The following MYO16 variants were observed in gnomAD, a reference collection of about 807,000 sequenced individuals.
The protein encoded by MYO16 is myosin XVI.
MYO16 carries 94 observed loss-of-function variants against 205.3 expected under a neutral mutation model. The observed-to-expected ratio is 0.46, with a 90% CI of 0.39 to 0.54. MYO16 has a LOEUF of 0.54. Among genes scored for constraint, MYO16 ranks in the 20% least tolerant of loss-of-function variants. MYO16 has a pLI of 0.00. For synonymous variants in MYO16, 988 were observed against 954.0 expected (o/e 1.04, Z -0.66); for missense variants, 2,315 against 2,387.5 (o/e 0.97, Z 0.63).
At chr13:108,676,371 G>A (rs7334035) in intron 2 of MYO16, among the ~76,000 whole-genome samples, 22,184 of 119,366 alleles carry the variant, frequency 0.19, 1,930 homozygotes, top group Non-Finnish European at 0.22. Flanking sequence ...TTATATGTAC[G>A]CGTGTGTGTG....
chr13:108,961,439 G>A, intron 17 of MYO16, 100 bp from the exon 18 acceptor site: 1 of 911,928 alleles, frequency 1.1e-6, no homozygotes, highest in Non-Finnish European at 1.8e-6. Context: ...CATTAATAGG[G>A]TCATCATTTT....
chr13:108,522,041 TATTA>T, the MYO16 span, among the ~76,000 whole-genome samples: 1 of 152,206 alleles, frequency 6.6e-6, no homozygotes, highest in African/African-American at 2.4e-5. Context: ...AATAAATAGT[TATTA>T]ATTATCTTCC....
chr13:109,159,066 A>T lies in MYO16; in HGVS notation c.5165-5835A>T, dbSNP rs141618752. On this transcript the variant is annotated intron_variant, in intron 32 of 34. Transcript: ENST00000457511. The stretch of plus-strand genomic sequence containing the variant: ...GTAAAGCAATGTAAAGTACAATTTT[A>T]AAAAACTATGTATGGACCTTGTGTC... Among the ~76,000 whole-genome samples, 147 of 152,350 alleles carry T rather than the reference A, an allele frequency of 9.6e-4. 2 individuals carry two copies. The East Asian group carries it at 0.027, about 28-fold the overall frequency.
chr13:108,948,991 G>T (rs1469475791), intron 16 of MYO16, among the ~76,000 whole-genome samples: 1 of 152,180 alleles, frequency 6.6e-6, no homozygotes, highest in Admixed American at 6.5e-5. Context: ...CAATAAACAA[G>T]TTGGTTAAAT....
At chr13:109,060,324 G>A (rs999749679) in intron 27 of MYO16, among the ~76,000 whole-genome samples, 4 of 152,228 alleles carry the variant, frequency 2.6e-5, no homozygotes, top group African/African-American at 9.6e-5. Flanking sequence ...ATGAGCTCAT[G>A]TCCTTTGCAG....
Position 108,666,133 on chromosome 13 carries a change from C to T in MYO16, c.276C>T (p.His92=). Residue 92 remains histidine, a synonymous_variant, in exon 2 of 35, where the codon CAC becomes CAT. Coordinates refer to ENST00000457511, the MANE Select transcript of MYO16 (RefSeq NM_001198950.3). ...ACATGCTACAGGACGCGATTATCCA[C>T]CACAATGACAAAGAAGGTACATGAT... ...LTDMLQDAII[H]HNDKEVLRLL... is the part of the protein sequence containing the mutation. 6 of 1,603,418 alleles carry T rather than the reference C, an allele frequency of 3.7e-6. No individual in the cohort carries two copies. The highest frequency in any genetic ancestry group is 5.1e-6 in the Non-Finnish European group (6 of 1,171,084).
Position 109,047,108 on chromosome 13 carries a change from C to T in MYO16, c.2872+117C>T, listed in dbSNP as rs533455043. 4 of 741,458 alleles carry T rather than the reference C, an allele frequency of 5.4e-6. No homozygotes were observed. In the East Asian group the frequency reaches 8.0e-5, roughly 15 times the overall value. 45.9% of individuals were successfully genotyped at this position (741,458 alleles called of 1,614,324 possible). A position where few individuals can be genotyped will look rare whatever the true frequency, so the allele number is the denominator to read the frequency against. On this transcript the variant is annotated intron_variant, in intron 24 of 34. Coordinates refer to ENST00000457511, the MANE Select transcript of MYO16 (RefSeq NM_001198950.3). ...ACCAGCTAAAGCATAATTGAAATGC[C>T]TTTTGCATTCTAATGCCCAGACTAA...
intron 32 of MYO16, among the ~76,000 whole-genome samples, chr13:109,159,406 T>G (rs1878253983): frequency 6.6e-6 from 1 of 151,964 alleles, no homozygotes; most frequent in South Asian, 2.1e-4. Context: ...ATGTGCAAGC[T>G]ATTTTACAGG....
intron 22 of MYO16, among the ~76,000 whole-genome samples, chr13:109,016,215 G>A (rs982889863): frequency 6.6e-6 from 1 of 151,994 alleles, no homozygotes; most frequent in Non-Finnish European, 1.5e-5. Context: ...TTCATTTCGT[G>A]ATTTACCCAG....
intron 28 of MYO16, among the ~76,000 whole-genome samples, chr13:109,110,838 A>G (rs555952159): frequency 2.0e-5 from 3 of 152,342 alleles, no homozygotes; most frequent in Admixed American, 6.5e-5. Context: ...CTTTAGTTCA[A>G]TGGTTTCTTT....
At chr13:108,779,690 G>A (rs1458626318) in intron 4 of MYO16, 1 of 152,120 alleles carries the variant, frequency 6.6e-6, no homozygotes, top group African/African-American at 2.4e-5. Flanking sequence ...GGGCTGCTAG[G>A]GAAACTCGCC....
intron 23 of MYO16, among the ~76,000 whole-genome samples, chr13:109,026,159 G>A (rs943290297): frequency 2.0e-5 from 3 of 152,188 alleles, no homozygotes; most frequent in African/African-American, 7.2e-5. Context: ...TGGGCTGAAC[G>A]GGAGCCCTCC....
At position 109,023,972 on chromosome 13, in the gene MYO16, C is replaced by A. The variant is rs989310361; in HGVS notation, c.2796+4061C>A. Among the ~76,000 whole-genome samples, 12 of 128,914 alleles carry A rather than the reference C, an allele frequency of 9.3e-5. No homozygotes were observed. The East Asian group carries it at 2.1e-3, about 23-fold the overall frequency. The allele number at this position is 128,914 out of a possible 152,430, so 84.6% of individuals were successfully genotyped here. On this transcript the variant is annotated intron_variant, in intron 23 of 34. Transcript: ENST00000457511. Reference sequence around the variant, plus strand: ...GTATATAAATATATACTATATATTTCTATATGTATATATTTCTATATGTAT... The same window carrying A: ...GTATATAAATATATACTATATATTTATATATGTATATATTTCTATATGTAT...
intron 9 of MYO16, among the ~76,000 whole-genome samples, chr13:108,842,352 G>A (rs1440225576): frequency 6.6e-6 from 1 of 152,058 alleles, no homozygotes; most frequent in Admixed American, 6.6e-5. Flanking sequence ...GCATATGTAT[G>A]TGCAAATATA....
intron 23 of MYO16, among the ~76,000 whole-genome samples, chr13:109,038,963 G>A (rs539350434): frequency 1.2e-3 from 184 of 152,236 alleles, no homozygotes; most frequent in African/African-American, 4.2e-3. Flanking sequence ...CCAGCACTGT[G>A]CAGAGATAAT....
the MYO16 span, among the ~76,000 whole-genome samples, chr13:108,558,253 C>G: frequency 6.6e-6 from 1 of 152,140 alleles, no homozygotes. Context: ...ACATGGAAGT[C>G]GAATTGGCTT....
At chr13:108,626,086 T>C (rs1291395001), upstream of MYO16, among the ~76,000 whole-genome samples, 2 of 152,042 alleles carry the variant, frequency 1.3e-5, no homozygotes, top group African/African-American at 2.4e-5. Flanking sequence ...TTGCAGTTTC[T>C]TTTTTTGTTT....
At chr13:108,683,854 C>A (rs903641274) in intron 2 of MYO16, among the ~76,000 whole-genome samples, 4 of 152,108 alleles carry the variant, frequency 2.6e-5, no homozygotes, top group Admixed American at 2.6e-4. Context: ...ATGCCTCTGG[C>A]GATTCTGAAG....
chr13:108,794,438 T>G (rs1464471765), intron 6 of MYO16, among the ~76,000 whole-genome samples: 1 of 152,232 alleles, frequency 6.6e-6, no homozygotes, highest in Non-Finnish European at 1.5e-5. Flanking sequence ...GAATTTAAAA[T>G]AATTTTTATG....
Sources: allele counts gnomAD v4.1 joint callset (sites outside exome capture counted in the v4.1 genomes callset), GRCh38; gene constraint gnomAD v4.1.1; transcripts MANE v1.5; gene names NCBI Gene and HGNC (gene_info 2026-07-23, HGNC 2026-07-21).